Variants in NOTCH2 observed in about 807,000 individuals in gnomAD.
NOTCH2 encodes neurogenic locus notch homolog protein 2.
In NOTCH2, 29 loss-of-function variants were observed where a neutral mutation model predicts 235.8. The ratio of observed to expected loss-of-function variants is 0.12; its 90% CI spans 0.09 to 0.17. The LOEUF (loss-of-function observed/expected upper bound fraction) is 0.17. Among genes scored for constraint, NOTCH2 ranks in the 10% least tolerant of loss-of-function variants. The probability of loss-of-function intolerance (pLI) is 1.00; values close to 1 mark genes in which losing one functional copy is unlikely to be tolerated. For missense variants in NOTCH2, 2,285 were observed against 3,150.2 expected (o/e 0.73, Z 6.57); for synonymous variants, 1,086 against 1,141.5 (o/e 0.95, Z 0.98).
intron 24 of NOTCH2, 50 bp downstream of exon 24, chr1:119,926,449 T>A: frequency 7.7e-7 from 1 of 1,304,804 alleles, no homozygotes; most frequent in South Asian, 1.2e-5. Context: ...TGTTCACAGA[T>A]TGTATGGAAG....
At chr1:120,036,935 G>GCCTCCCTTTGTTTTAAAAT (rs1553211992) in intron 1 of NOTCH2, among the ~76,000 whole-genome samples, 1 of 152,162 alleles carries the variant, frequency 6.6e-6, no homozygotes, top group Admixed American at 6.6e-5. Flanking sequence ...TGGCTTAAAA[G>GCCTCCCTTTGTTTTAAAAT]CCTCCCTTTG....
At chr1:119,961,439 G>T (rs1553198961) in intron 11 of NOTCH2, among the ~76,000 whole-genome samples, 4 of 152,156 alleles carry the variant, frequency 2.6e-5, no homozygotes, top group African/African-American at 9.7e-5. Context: ...AGTAGGAAAA[G>T]ATGCCTGGAT....
At chr1:119,945,079 G>A (rs1650206081) in intron 17 of NOTCH2, among the ~76,000 whole-genome samples, 1 of 152,014 alleles carries the variant, frequency 6.6e-6, no homozygotes, top group South Asian at 2.1e-4. Flanking sequence ...ATAGAAGAGA[G>A]GCCAGGAGGA....
At position 119,919,509 on chromosome 1, in the gene NOTCH2, A is replaced by C. The variant is rs745390221; in HGVS notation, c.5584T>G (p.Leu1862Val). The change falls in exon 31 of 34, where the codon TTG becomes GTG. Residue 1862 changes from leucine to valine, a missense_variant. Leu to Val is a conservative substitution (Grantham distance 32). Coordinates refer to ENST00000256646, the MANE Select transcript of NOTCH2 (RefSeq NM_024408.4). ...TGGAGGCTGGCACCCTGGTAGACCAAGTCTGTGATGATGTTAGCAGAAGAG... is the reference window on the plus strand; with the variant it reads ...TGGAGGCTGGCACCCTGGTAGACCACGTCTGTGATGATGTTAGCAGAAGAG... ...EDSSANIITD[L>V]VYQGASLQAQ... The C allele has an allele frequency of 6.2e-7, 1 of 1,613,848 alleles. No homozygotes were observed. The highest frequency in any genetic ancestry group is 8.5e-7 in the Non-Finnish European group (1 of 1,180,056).
Position 119,932,325 on chromosome 1 carries a change from C to T in NOTCH2, c.3656-3113G>A, listed in dbSNP as rs587632244. ...AGTTCAGGCTGGGTGTGGTGGCTCA[C>T]GCCTGTCATCCCAGCACTTTGGGAG... On this transcript the variant is annotated intron_variant, in intron 22 of 33. Transcript: ENST00000256646. 1.8e-4 allele frequency among the ~76,000 whole-genome samples: 28 copies of T among 152,218 alleles called. No individual in the cohort carries two copies. The South Asian group carries it at 4.1e-3, about 23-fold the overall frequency.
Position 119,911,891 on chromosome 1 carries a change from A to G in NOTCH2, c.*3415T>C, listed in dbSNP as rs1467623161. 1 of 233,092 alleles carries G rather than the reference A, an allele frequency of 4.3e-6. No homozygotes were observed. The highest frequency in any genetic ancestry group is 8.5e-6 in the Non-Finnish European group (1 of 118,032). The allele number at this position is 233,092 out of a possible 1,614,324, so 14.4% of individuals were successfully genotyped here. On this transcript the variant is annotated 3_prime_UTR_variant, in exon 34 of 34. Coordinates refer to ENST00000256646, the MANE Select transcript of NOTCH2 (RefSeq NM_024408.4). ...TGACAGATGCTTTTTCCCCAGGATCATTTATTTATGATCTAATTAAAGGAA... is the reference window on the plus strand; with the variant it reads ...TGACAGATGCTTTTTCCCCAGGATCGTTTATTTATGATCTAATTAAAGGAA...
At chr1:119,996,761 A>G in intron 4 of NOTCH2, 1 of 964,970 alleles carries the variant, frequency 1.0e-6, no homozygotes. Context: ...AAAAGGGACA[A>G]TAAACAATTT....
intron 13 of NOTCH2, 90 bp downstream of exon 13, chr1:119,954,950 C>G: frequency 7.6e-7 from 1 of 1,318,826 alleles, no homozygotes; most frequent in South Asian, 1.2e-5. Flanking sequence ...CTCAAAGCCC[C>G]ATTTGACAAC....
At chr1:119,996,623 G>C in intron 4 of NOTCH2, 1 of 825,998 alleles carries the variant, frequency 1.2e-6, no homozygotes, top group South Asian at 1.4e-5. Flanking sequence ...TGTCAATTCA[G>C]TTTAAAGCAC....
chr1:120,069,660 C>CCTCGTG lies in NOTCH2; in HGVS notation c.-255_-254insCACGAG. On this transcript the variant is annotated 5_prime_UTR_variant, in exon 1 of 34. Coordinates refer to ENST00000256646, the MANE Select transcript of NOTCH2 (RefSeq NM_024408.4). ...CTTTCTCGGGTGTGCAACGAAGCAG[C>CCTCGTG]CTCGTGTGTCCTTCCGCCTCAGCCG... 7.6e-7 allele frequency: 1 copy of CCTCGTG among 1,310,516 alleles called. No homozygotes were observed. The highest frequency in any genetic ancestry group is 3.1e-5 in the East Asian group (1 of 31,866). 81.2% of individuals were successfully genotyped at this position (1,310,516 alleles called of 1,614,324 possible).
chr1:119,922,407 A>G lies in NOTCH2; in HGVS notation c.5042T>C (p.Leu1681Pro). 4.3e-6 allele frequency: 7 copies of G among 1,614,008 alleles called. No individual in the cohort carries two copies. The highest frequency in any genetic ancestry group is 5.9e-6 in the Non-Finnish European group (7 of 1,179,962). Reference sequence around the variant, plus strand: ...AATGATGACAACAGCAACAGCAAGGAGATAGAGGAGCTGAGTGCGTTCTGG... The same window carrying G: ...AATGATGACAACAGCAACAGCAAGGGGATAGAGGAGCTGAGTGCGTTCTGG... ...LTPERTQLLY[L>P]LAVAVVIILF... is the part of the protein sequence containing the mutation. The change falls in exon 28 of 34, where the codon CTC becomes CCC. Residue 1681 changes from leucine (L) to proline (P), a missense_variant. Leu to Pro is a moderately conservative substitution (Grantham distance 98). Coordinates refer to ENST00000256646, the MANE Select transcript of NOTCH2 (RefSeq NM_024408.4).
In NOTCH2 at chr1:119,958,539, C is replaced by T. The variant is rs1228739313; in HGVS notation, c.2026+853G>A. Among the ~76,000 whole-genome samples, 3 of 152,178 alleles carry T rather than the reference C, an allele frequency of 2.0e-5. No homozygotes were observed. In the East Asian group the frequency reaches 5.8e-4, roughly 29 times the overall value. ...AAGGGTAACATGTTAGTGGCTGCTTCTGTGTGTCACTGTCCAGGAAGAACA... is the reference window on the plus strand; with the variant it reads ...AAGGGTAACATGTTAGTGGCTGCTTTTGTGTGTCACTGTCCAGGAAGAACA... On this transcript the variant is annotated intron_variant, in intron 12 of 33. Coordinates refer to ENST00000256646, the MANE Select transcript of NOTCH2 (RefSeq NM_024408.4).
intron 2 of NOTCH2, among the ~76,000 whole-genome samples, chr1:120,014,615 C>T (rs1421897586): frequency 1.6e-5 from 2 of 128,632 alleles, no homozygotes; most frequent in African/African-American, 3.2e-5. Context: ...AACCAGACCC[C>T]AACCCTCACA....
intron 22 of NOTCH2, chr1:119,935,160 A>T: frequency 1.6e-6 from 2 of 1,234,104 alleles, no homozygotes; most frequent in Non-Finnish European, 2.0e-6. Flanking sequence ...TTTTCTGTGA[A>T]GCAACAAGAA....
rs1648997106 is a variant in NOTCH2 at position 119,914,518 on chromosome 1, G to C, written c.*788C>G. 4.3e-6 allele frequency: 1 copy of C among 233,320 alleles called. No homozygotes were observed. Among genetic ancestry groups the C allele is most frequent in the Non-Finnish European group, 8.5e-6 (1 of 118,214 alleles). 14.5% of individuals were successfully genotyped at this position (233,320 alleles called of 1,614,324 possible). A position where few individuals can be genotyped will look rare whatever the true frequency, so the allele number is the denominator to read the frequency against. On this transcript the variant is annotated 3_prime_UTR_variant, in exon 34 of 34. Coordinates refer to ENST00000256646, the MANE Select transcript of NOTCH2 (RefSeq NM_024408.4). ...CCTGCACACAGACAAGAAAAATTAAGGTGCAGCCTCTTGAAGGGATCTCCT... is the reference window on the plus strand; with the variant it reads ...CCTGCACACAGACAAGAAAAATTAACGTGCAGCCTCTTGAAGGGATCTCCT...
intron 2 of NOTCH2, among the ~76,000 whole-genome samples, chr1:120,014,127 T>C (rs1553207485): frequency 6.6e-6 from 1 of 152,060 alleles, no homozygotes; most frequent in African/African-American, 2.4e-5. Flanking sequence ...CTCTCTCTTC[T>C]CTAGCATTGA....
chr1:119,971,218 T>A (rs1223896776), intron 5 of NOTCH2, among the ~76,000 whole-genome samples: 2 of 152,246 alleles, frequency 1.3e-5, no homozygotes, highest in African/African-American at 4.8e-5. Context: ...TTAGAGGGGT[T>A]CTTTTGTATT....
chr1:119,915,538 G>A lies in NOTCH2; in HGVS notation c.7184C>T (p.Ser2395Leu). Residue 2395 changes from serine to leucine, a missense_variant, in exon 34 of 34, where the codon TCA becomes TTA. Around this residue, in one of 6 missense-constraint regions of NOTCH2, gnomAD observed 504 missense variants for 538.0 expected, o/e 0.94. Coordinates refer to ENST00000256646, the MANE Select transcript of NOTCH2 (RefSeq NM_024408.4). ...ACTGGGTGTTCGCTCAGCAGCATTTGAGGAAGCATAACTGTGCTGTGAAGG... is the reference window on the plus strand; with the variant it reads ...ACTGGGTGTTCGCTCAGCAGCATTTAAGGAAGCATAACTGTGCTGTGAAGG... ...TPPSQHSYASSNAAERTPSHS... is the reference protein window; with the variant it reads ...TPPSQHSYASLNAAERTPSHS... 6.2e-7 allele frequency: 1 copy of A among 1,614,110 alleles called. No individual in the cohort carries two copies. The highest frequency in any genetic ancestry group is 2.2e-5 in the East Asian group (1 of 44,882).
intron 10 of NOTCH2, among the ~76,000 whole-genome samples, chr1:119,965,223 A>G (rs1651090256): frequency 6.6e-6 from 1 of 152,242 alleles, no homozygotes; most frequent in Non-Finnish European, 1.5e-5. Flanking sequence ...TCCCAGAAAG[A>G]CATGGATACC....
Sources: allele counts gnomAD v4.1 joint callset (sites outside exome capture counted in the v4.1 genomes callset), GRCh38; gene constraint gnomAD v4.1.1; regional missense constraint gnomAD v4.1.1; transcripts MANE v1.5; gene names NCBI Gene and HGNC (gene_info 2026-07-23, HGNC 2026-07-21).